KIAA0513: variants seen among roughly 807,000 people sequenced by gnomAD.
KIAA0513 encodes KIAA0513.
A neutral mutation model predicts 56.5 loss-of-function variants in KIAA0513; 39 were observed. The observed-to-expected ratio is 0.69, with a 90% CI of 0.53 to 0.90. KIAA0513 has a LOEUF of 0.90. Among genes scored for constraint, KIAA0513 ranks in the 40% least tolerant of loss-of-function variants. The probability of loss-of-function intolerance (pLI) is 0.00; values close to 1 mark genes in which losing one functional copy is unlikely to be tolerated. For synonymous variants in KIAA0513, 268 were observed against 215.6 expected, an observed-to-expected ratio of 1.24 and a Z score of -2.13; for missense variants, 591 against 535.2, an observed-to-expected ratio of 1.10 and a Z score of -1.03.
At chr16:85,044,363 C>G (rs548505554) in intron 1 of KIAA0513, among the ~76,000 whole-genome samples, 3 of 152,240 alleles carry the variant, frequency 2.0e-5, no homozygotes, top group African/African-American at 7.2e-5. Flanking sequence ...CGAGGTGACT[C>G]AGAAATCAGG....
rs2073634851 is a variant in KIAA0513 at position 85,074,916 on chromosome 16, C to T, written c.504-928C>T. On this transcript the variant is annotated intron_variant, in intron 4 of 12. Transcript: ENST00000683363. Reference sequence around the variant, plus strand: ...AGGCTAAAAGTAATTCTCCATTTTCCTTTGAGTTTTTTGTCCTATATAAGT... The same window carrying T: ...AGGCTAAAAGTAATTCTCCATTTTCTTTTGAGTTTTTTGTCCTATATAAGT... Among the ~76,000 whole-genome samples, 3 of 151,800 alleles carry T rather than the reference C, an allele frequency of 2.0e-5. No individual in the cohort carries two copies. In the South Asian group the frequency reaches 6.2e-4, roughly 32 times the overall value.
chr16:85,044,512 T>TTA (rs199513137), intron 1 of KIAA0513, among the ~76,000 whole-genome samples: 60 of 132,416 alleles, frequency 4.5e-4, no homozygotes, highest in African/African-American at 1.5e-3. Context: ...TTATTTTTAT[T>TTA]TTTTTTTTTT....
chr16:85,075,458 C>G (rs892874392), intron 4 of KIAA0513, among the ~76,000 whole-genome samples: 1 of 152,188 alleles, frequency 6.6e-6, no homozygotes, highest in Non-Finnish European at 1.5e-5. Context: ...GGAAGGTCAT[C>G]CAGCTTACTG....
intron 1 of KIAA0513, among the ~76,000 whole-genome samples, chr16:85,048,444 T>C (rs1349799022): frequency 6.6e-6 from 1 of 152,226 alleles, no homozygotes; most frequent in Non-Finnish European, 1.5e-5. Context: ...TGCTGCACGA[T>C]TGGATCTGGG....
At position 85,081,948 on chromosome 16, in the gene KIAA0513, G is replaced by A. The variant is rs915772908; in HGVS notation, c.980+556G>A. On this transcript the variant is annotated intron_variant, in intron 9 of 12. Coordinates refer to ENST00000683363, the MANE Select transcript of KIAA0513 (RefSeq NM_001388359.1). This position sits in a 1 kb window ranked among gnomAD's most constrained non-coding sequence, Gnocchi z 4.4. ...CGATGCCATAGCAAGCAAAGCTGCCGTCCACCATGTGCAGCGACATGACAG... is the reference window on the plus strand; with the variant it reads ...CGATGCCATAGCAAGCAAAGCTGCCATCCACCATGTGCAGCGACATGACAG... 3.9e-5 allele frequency among the ~76,000 whole-genome samples: 6 copies of A among 152,218 alleles called. No individual in the cohort carries two copies. Among genetic ancestry groups the A allele is most frequent in the East Asian group, 1.9e-4 (1 of 5,180 alleles).
At chr16:85,086,025 G>A (rs1597650338) in intron 10 of KIAA0513, among the ~76,000 whole-genome samples, 1 of 152,214 alleles carries the variant, frequency 6.6e-6, no homozygotes, top group South Asian at 2.1e-4. Context: ...AGGGCCTCGA[G>A]AAAGCCAACA....
chr16:85,051,489 C>G (rs1335760513), intron 1 of KIAA0513, among the ~76,000 whole-genome samples: 1 of 152,200 alleles, frequency 6.6e-6, no homozygotes, highest in East Asian at 1.9e-4. Flanking sequence ...GCAGACATCC[C>G]CATTCCCCTT....
At chr16:85,050,036 C>T (rs1206474406) in intron 1 of KIAA0513, among the ~76,000 whole-genome samples, 1 of 152,146 alleles carries the variant, frequency 6.6e-6, no homozygotes, top group Non-Finnish European at 1.5e-5. Context: ...AGCCCGTCAC[C>T]CAGGGAGGGC....
At chr16:85,072,868 T>C in intron 3 of KIAA0513, 57 bp from the exon 4 acceptor site, 1 of 1,522,848 alleles carries the variant, frequency 6.6e-7, no homozygotes, top group Non-Finnish European at 9.1e-7. Context: ...GCAGCTTCAC[T>C]GAGTGCTGCG....
intron 12 of KIAA0513, 95 bp downstream of exon 12, chr16:85,087,261 T>G (rs1209743268): frequency 3.0e-6 from 3 of 994,204 alleles, no homozygotes; most frequent in Non-Finnish European, 4.8e-6. Context: ...CCAGAAGGCA[T>G]GTCGTGTTGC....
intron 10 of KIAA0513, among the ~76,000 whole-genome samples, chr16:85,086,225 G>A (rs1340343803): frequency 6.6e-6 from 1 of 152,204 alleles, no homozygotes; most frequent in Non-Finnish European, 1.5e-5. Flanking sequence ...ACCAAGGCCC[G>A]CTGTCCTGGG....
chr16:85,035,959 A>G (rs1016804527), intron 1 of KIAA0513, among the ~76,000 whole-genome samples: 1 of 150,784 alleles, frequency 6.6e-6, no homozygotes, highest in Non-Finnish European at 1.5e-5. Context: ...AGCCTGGGCA[A>G]CAGAGCGAGA....
rs558964301 is a variant in KIAA0513, at chr16:85,030,136, C to T, written c.-173+2278C>T. On this transcript the variant is annotated intron_variant, in intron 1 of 12. Transcript: ENST00000683363. Reference sequence around the variant, plus strand: ...GAGTCTGCCGCAGCACCCCTGCGCCCGCCCCAAGCTTGAGGTAGTCTGCAT... The same window carrying T: ...GAGTCTGCCGCAGCACCCCTGCGCCTGCCCCAAGCTTGAGGTAGTCTGCAT... Among the ~76,000 whole-genome samples the T allele has an allele frequency of 2.5e-4, 38 of 152,324 alleles. No individual in the cohort carries two copies. The East Asian group carries it at 2.9e-3, about 12-fold the overall frequency.
chr16:85,028,228 T>G (rs2072915774), intron 1 of KIAA0513, among the ~76,000 whole-genome samples: 1 of 152,072 alleles, frequency 6.6e-6, no homozygotes, highest in African/African-American at 2.4e-5. Context: ...GGCTTTGGGA[T>G]GGAGCTGGTG....
chr16:85,049,168 G>T (rs920206847), intron 1 of KIAA0513, among the ~76,000 whole-genome samples: 3 of 152,248 alleles, frequency 2.0e-5, no homozygotes, highest in African/African-American at 4.8e-5. Flanking sequence ...GCCAGAGATG[G>T]CAGGTGTCAC....
At chr16:85,049,888 G>A (rs748523247) in intron 1 of KIAA0513, among the ~76,000 whole-genome samples, 7 of 152,306 alleles carry the variant, frequency 4.6e-5, no homozygotes, top group South Asian at 4.1e-4. Flanking sequence ...AAGTGTGGCT[G>A]TCTCCATGCC....
At chr16:85,028,499 A>G (rs1417962230) in intron 1 of KIAA0513, among the ~76,000 whole-genome samples, 1 of 152,132 alleles carries the variant, frequency 6.6e-6, no homozygotes, top group East Asian at 1.9e-4. Flanking sequence ...CAGGGAGGAT[A>G]GCAATGGAAA....
intron 1 of KIAA0513, among the ~76,000 whole-genome samples, chr16:85,047,718 A>T (rs1043490901): frequency 4.6e-5 from 7 of 152,274 alleles, no homozygotes; most frequent in African/African-American, 1.4e-4. Flanking sequence ...TCTCAGAACC[A>T]GGTGACCCCT....
At position 85,081,771 on chromosome 16, in the gene KIAA0513, C is replaced by T. The variant is rs886824785; in HGVS notation, c.980+379C>T. On this transcript the variant is annotated intron_variant, in intron 9 of 12. Coordinates refer to ENST00000683363, the MANE Select transcript of KIAA0513 (RefSeq NM_001388359.1). This position sits in a 1 kb window ranked among gnomAD's most constrained non-coding sequence, Gnocchi z 4.4. The stretch of plus-strand genomic sequence containing the variant: ...GGGAGGAAGGGCTGGCCACCATCCC[C>T]GAGACTGCCCTCGAGAGCTGGCGCC... Among the ~76,000 whole-genome samples the T allele has an allele frequency of 6.6e-6, 1 of 152,214 alleles. No individual in the cohort carries two copies. Among genetic ancestry groups the T allele is most frequent in the African/African-American group, 2.4e-5 (1 of 41,450 alleles).
Sources: allele counts gnomAD v4.1 joint callset (sites outside exome capture counted in the v4.1 genomes callset), GRCh38; gene constraint gnomAD v4.1.1; non-coding constraint Gnocchi (gnomAD v3.1); transcripts MANE v1.5; gene names NCBI Gene and HGNC (gene_info 2026-07-23, HGNC 2026-07-21).